The following MYO3B variants were observed in gnomAD, a reference collection of about 807,000 sequenced individuals.
MYO3B encodes the protein myosin-IIIb.
In MYO3B, 156 loss-of-function variants were observed where a neutral mutation model predicts 174.6. The observed-to-expected ratio is 0.89, with a 90% CI of 0.78 to 1.02. MYO3B has a LOEUF of 1.02. Ranked by LOEUF, MYO3B falls within the 50% of genes least tolerant of loss-of-function variation. MYO3B has a pLI of 0.00. For missense variants in MYO3B, 1,632 were observed against 1,639.4 expected (o/e 1.00, Z 0.08); for synonymous variants, 563 against 569.1 (o/e 0.99, Z 0.15).
intron 7 of MYO3B, among the ~76,000 whole-genome samples, chr2:170,325,506 C>T (rs1163764879): frequency 6.6e-6 from 1 of 152,184 alleles, no homozygotes; most frequent in African/African-American, 2.4e-5. Context: ...CTACGCCTGG[C>T]CTAAGTTAAA....
intron 32 of MYO3B, among the ~76,000 whole-genome samples, chr2:170,638,504 A>G (rs1232897442): frequency 6.6e-6 from 1 of 152,232 alleles, no homozygotes; most frequent in Admixed American, 6.5e-5. Flanking sequence ...TGAAAAGCAA[A>G]AGCATTTATG....
At chr2:170,649,495 A>C (rs1178345332) in intron 32 of MYO3B, among the ~76,000 whole-genome samples, 1 of 140,558 alleles carries the variant, frequency 7.1e-6, no homozygotes, top group African/African-American at 2.6e-5. Flanking sequence ...CTTTTACTTA[A>C]ACCTTTGACT....
chr2:170,468,405 A>T (rs1309570290), intron 25 of MYO3B, among the ~76,000 whole-genome samples: 1 of 152,172 alleles, frequency 6.6e-6, no homozygotes, highest in Non-Finnish European at 1.5e-5. Context: ...GGCATTCAGG[A>T]CTGAAACCCT....
intron 7 of MYO3B, among the ~76,000 whole-genome samples, chr2:170,292,186 T>C (rs2093601050): frequency 6.6e-6 from 1 of 152,198 alleles, no homozygotes; most frequent in South Asian, 2.1e-4. Flanking sequence ...TTTTTTTCTC[T>C]GTTTGGTCCA....
intron 32 of MYO3B, among the ~76,000 whole-genome samples, chr2:170,570,893 C>G (rs184441908): frequency 5.9e-5 from 9 of 152,228 alleles, no homozygotes; most frequent in African/African-American, 9.6e-5. Context: ...TCTCATTGCT[C>G]TCTGTGTGGT....
At chr2:170,582,065 T>A (rs989011206) in intron 32 of MYO3B, among the ~76,000 whole-genome samples, 1 of 152,248 alleles carries the variant, frequency 6.6e-6, no homozygotes, top group Non-Finnish European at 1.5e-5. Flanking sequence ...ATAAATTACC[T>A]TCTATCCACT....
chr2:170,322,527 G>A (rs1043298056), intron 7 of MYO3B, among the ~76,000 whole-genome samples: 1 of 152,194 alleles, frequency 6.6e-6, no homozygotes, highest in East Asian at 1.9e-4. Context: ...TGTGAGAGGG[G>A]GTGCTGCTGT....
chr2:170,619,734 A>ATACTTTTTTTTTTT (rs1553539463), intron 32 of MYO3B, among the ~76,000 whole-genome samples: 2 of 33,520 alleles, frequency 6.0e-5, no homozygotes, highest in Non-Finnish European at 1.5e-4. Flanking sequence ...CTGCTGCCAT[A>ATACTTTTTTTTTTT]TTCTTTTTTT....
chr2:170,250,675 G>A (rs1034265745), intron 7 of MYO3B, among the ~76,000 whole-genome samples: 13 of 152,204 alleles, frequency 8.5e-5, no homozygotes, highest in Non-Finnish European at 1.5e-4. Context: ...TGTATCCAGA[G>A]TTCTTGTCCA....
chr2:170,213,348 G>T (rs532700808), intron 3 of MYO3B, among the ~76,000 whole-genome samples: 4 of 152,172 alleles, frequency 2.6e-5, no homozygotes, highest in African/African-American at 9.7e-5. Flanking sequence ...TGAGAGAGTC[G>T]TGATCGATTG....
At chr2:170,216,727 A>G (rs2092832812) in intron 5 of MYO3B, among the ~76,000 whole-genome samples, 1 of 152,226 alleles carries the variant, frequency 6.6e-6, no homozygotes, top group African/African-American at 2.4e-5. Flanking sequence ...TGTTACAGAT[A>G]GTGCAGCCGA....
intron 29 of MYO3B, among the ~76,000 whole-genome samples, chr2:170,518,100 A>G (rs1476457496): frequency 6.6e-6 from 1 of 152,070 alleles, no homozygotes; most frequent in Admixed American, 6.6e-5. Flanking sequence ...AAATCTTTCT[A>G]TCCATTACCT....
intron 32 of MYO3B, among the ~76,000 whole-genome samples, chr2:170,625,030 G>T (rs1249590918): frequency 3.9e-5 from 6 of 152,078 alleles, no homozygotes; most frequent in South Asian, 2.1e-4. Flanking sequence ...AAATTCTCTT[G>T]TTTTGTTGTG....
At chr2:170,236,257 T>A in intron 7 of MYO3B, 121 bp downstream of exon 7, 1 of 1,354,350 alleles carries the variant, frequency 7.4e-7, no homozygotes, top group Admixed American at 2.0e-5. Flanking sequence ...TTGTGAAATA[T>A]ATTTTCTTTG....
intron 13 of MYO3B, among the ~76,000 whole-genome samples, chr2:170,386,870 G>T (rs2094379527): frequency 6.6e-6 from 1 of 152,236 alleles, no homozygotes; most frequent in East Asian, 1.9e-4. Context: ...GATTTTAAAT[G>T]AAATATGGCT....
chr2:170,467,638 C>T lies in MYO3B; in HGVS notation c.3014+927C>T, dbSNP rs116038979. ...CAAGGCAATCAAGAAAAAAAAAATA[C>T]ATTGTAGAATCTGCCTCACTCCTTA... On this transcript the variant is annotated intron_variant, in intron 25 of 34. Transcript: ENST00000408978. Among the ~76,000 whole-genome samples the T allele has an allele frequency of 4.3e-3, 655 of 151,778 alleles. 1 individual carries two copies. Among genetic ancestry groups the T allele is most frequent in the African/African-American group, 0.015 (611 of 41,400 alleles).
chr2:170,335,527 T>A, intron 8 of MYO3B, 77 bp downstream of exon 8: 1 of 1,161,040 alleles, frequency 8.6e-7, no homozygotes, highest in Non-Finnish European at 1.3e-6. Flanking sequence ...GGCTGTGGAA[T>A]TTACTTGACA....
intron 16 of MYO3B, among the ~76,000 whole-genome samples, chr2:170,394,654 A>G (rs2094434062): frequency 6.6e-6 from 1 of 152,218 alleles, no homozygotes; most frequent in African/African-American, 2.4e-5. Context: ...TATTTTCACC[A>G]TGTCCCACAT....
chr2:170,441,572 C>T (rs1039468630), intron 22 of MYO3B, among the ~76,000 whole-genome samples: 2 of 152,166 alleles, frequency 1.3e-5, no homozygotes, highest in African/African-American at 2.4e-5. Context: ...CTGCTGGTTG[C>T]CCATTTTTAT....
Sources: allele counts gnomAD v4.1 joint callset (sites outside exome capture counted in the v4.1 genomes callset), GRCh38; gene constraint gnomAD v4.1.1; transcripts MANE v1.5; gene names NCBI Gene and HGNC (gene_info 2026-07-23, HGNC 2026-07-21).